The following STK3 variants were observed in gnomAD, a reference collection of about 807,000 sequenced individuals.
STK3 encodes serine/threonine-protein kinase 3.
STK3 carries 41 observed loss-of-function variants against 58.0 expected under a neutral mutation model. That is an observed-to-expected ratio of 0.71 (90% CI 0.55 to 0.92). The LOEUF (loss-of-function observed/expected upper bound fraction) is 0.92, where lower values mean the gene tolerates loss of function less well. Ranked by LOEUF, STK3 falls within the 40% of genes least tolerant of loss-of-function variation. The pLI is 0.00. For synonymous variants in STK3, 170 were observed against 191.0 expected, an observed-to-expected ratio of 0.89 and a Z score of 0.91; for missense variants, 479 against 602.7, an observed-to-expected ratio of 0.79 and a Z score of 2.15.
At chr8:98,389,051 A>G (rs1357957560), upstream of STK3, among the ~76,000 whole-genome samples, 3 of 152,324 alleles carry the variant, frequency 2.0e-5, no homozygotes, top group East Asian at 1.9e-4. Context: ...TATAAACCAT[A>G]TAAGCCACCT....
intron 3 of STK3, among the ~76,000 whole-genome samples, chr8:98,752,428 C>T (rs1041492458): frequency 6.6e-6 from 1 of 152,182 alleles, no homozygotes; most frequent in African/African-American, 2.4e-5. Context: ...GGACCCCTCC[C>T]TTATTATCAT....
intron 1 of STK3, chr8:98,904,760 G>C: frequency 1.3e-6 from 1 of 768,548 alleles, no homozygotes; most frequent in Middle Eastern, 2.5e-4. Context: ...AGCATGACGC[G>C]GTTCCACAAT....
At chr8:98,386,755 A>G (rs113283391) in intron 1 of STK3, among the ~76,000 whole-genome samples, 2,309 of 152,234 alleles carry the variant, frequency 0.015, 62 homozygotes, top group African/African-American at 0.051. Flanking sequence ...CACAGTGGGT[A>G]TATCACCTGA....
chr8:98,582,149 G>GT (rs1813958388), intron 7 of STK3, among the ~76,000 whole-genome samples: 1 of 152,102 alleles, frequency 6.6e-6, no homozygotes, highest in African/African-American at 2.4e-5. Context: ...TTGATCTGCA[G>GT]TAATTTCTGT....
chr8:98,631,865 A>C (rs542504138), intron 6 of STK3, among the ~76,000 whole-genome samples: 2 of 152,292 alleles, frequency 1.3e-5, no homozygotes, highest in African/African-American at 4.8e-5. Flanking sequence ...GCGTTTCACT[A>C]TGTTGGTCAG....
At chr8:98,753,431 T>A (rs1587519571) in intron 3 of STK3, among the ~76,000 whole-genome samples, 1 of 152,052 alleles carries the variant, frequency 6.6e-6, no homozygotes, top group East Asian at 1.9e-4. Flanking sequence ...TGAGGACACA[T>A]GGACACACAG....
At chr8:98,407,059 C>T (rs569965900) in intron 3 of STK3, among the ~76,000 whole-genome samples, 2 of 152,290 alleles carry the variant, frequency 1.3e-5, no homozygotes, top group African/African-American at 4.8e-5. Flanking sequence ...TCACTGAAAC[C>T]AGATGGGGCA....
At chr8:98,674,895 G>A (rs1024644705) in intron 6 of STK3, among the ~76,000 whole-genome samples, 5 of 151,946 alleles carry the variant, frequency 3.3e-5, no homozygotes, top group Non-Finnish European at 7.4e-5. Flanking sequence ...AGTTCCTGTC[G>A]GGAATGGTAA....
chr8:98,863,245 G>A (rs1377220934), intron 3 of STK3, among the ~76,000 whole-genome samples: 2 of 152,184 alleles, frequency 1.3e-5, no homozygotes, highest in Non-Finnish European at 2.9e-5. Flanking sequence ...TGTTATCATT[G>A]ATAAGAGCAG....
intron 1 of STK3, among the ~76,000 whole-genome samples, chr8:98,781,443 C>T (rs1035843705): frequency 6.6e-6 from 1 of 151,128 alleles, no homozygotes; most frequent in South Asian, 2.1e-4. Flanking sequence ...TTTCTTAAGG[C>T]GAAAAAAAAT....
intron 6 of STK3, among the ~76,000 whole-genome samples, chr8:98,647,538 T>C (rs879286493): frequency 6.6e-6 from 1 of 152,244 alleles, no homozygotes; most frequent in East Asian, 1.9e-4. Context: ...AATAAATATA[T>C]AGTATGTTCT....
chr8:98,695,073 G>A (rs1213908552), intron 6 of STK3, among the ~76,000 whole-genome samples: 1 of 152,200 alleles, frequency 6.6e-6, no homozygotes, highest in Admixed American at 6.5e-5. Context: ...TCTCATTGTG[G>A]TTTTGGTTTG....
At chr8:98,417,516 A>AAAT (rs111685409) in intron 3 of STK3, among the ~76,000 whole-genome samples, 18 of 150,228 alleles carry the variant, frequency 1.2e-4, no homozygotes, top group South Asian at 6.4e-4. Flanking sequence ...TCTGTCTCAA[A>AAAT]AAATAAATAA....
At chr8:98,565,265 T>C (rs907750975) in intron 8 of STK3, among the ~76,000 whole-genome samples, 1 of 152,152 alleles carries the variant, frequency 6.6e-6, no homozygotes, top group African/African-American at 2.4e-5. Flanking sequence ...AAATCAAGCA[T>C]TGTTTTTTGT....
chr8:98,912,248 G>A (rs1488157576), intron 1 of STK3, among the ~76,000 whole-genome samples: 3 of 152,020 alleles, frequency 2.0e-5, no homozygotes, highest in East Asian at 1.9e-4. Flanking sequence ...ATGTGGTGGC[G>A]CACGCCTGTA....
intron 1 of STK3, among the ~76,000 whole-genome samples, chr8:98,804,590 T>G (rs999229640): frequency 6.6e-6 from 1 of 152,204 alleles, no homozygotes; most frequent in Admixed American, 6.5e-5. Flanking sequence ...TTTGGAAGTC[T>G]TCCCAAGAAT....
chr8:98,676,000 C>T (rs182480846), intron 6 of STK3, among the ~76,000 whole-genome samples: 90 of 152,154 alleles, frequency 5.9e-4, no homozygotes, highest in African/African-American at 1.5e-3. Flanking sequence ...ATGATGTGTA[C>T]GCATAAATGA....
chr8:98,481,212 C>A (rs1160218922), intron 10 of STK3, among the ~76,000 whole-genome samples: 1 of 151,676 alleles, frequency 6.6e-6, no homozygotes, highest in Non-Finnish European at 1.5e-5. Context: ...TCCATTACTG[C>A]ATCTAGTATA....
Position 98,706,560 on chromosome 8 carries a change from G to A in STK3, c.591C>T (p.Gly197=), listed in dbSNP as rs1408307020. Residue 197 remains glycine (G), a synonymous_variant, in exon 6 of 11, where the codon GGC becomes GGT. Transcript: ENST00000419617. ...ACCAGATGTCGGCCACACAGTTATA[G>A]CCTATTTCTTGAATCACCTCAGGAG... ...WMAPEVIQEI[G]YNCVADIWSL... 1.9e-6 allele frequency: 3 copies of A among 1,613,594 alleles called. No individual in the cohort carries two copies. Among genetic ancestry groups the A allele is most frequent in the Admixed American group, 1.7e-5 (1 of 59,964 alleles).
Sources: gnomAD v4.1 joint callset for allele counts (sites outside exome capture counted in the v4.1 genomes callset) on GRCh38, gnomAD v4.1.1 for gene constraint, MANE v1.5 for transcripts, NCBI Gene and HGNC (gene_info 2026-07-23, HGNC 2026-07-21) for gene names.